The following CLSTN2 variants were observed in gnomAD, a reference collection of about 807,000 sequenced individuals.
CLSTN2 encodes calsyntenin-2.
Under a neutral mutation model 101.2 loss-of-function variants are expected in CLSTN2, and 48 were observed. The ratio of observed to expected loss-of-function variants is 0.47; its 90% CI spans 0.38 to 0.60. The LOEUF (loss-of-function observed/expected upper bound fraction) is 0.60, where lower values mean the gene tolerates loss of function less well. Among genes scored for constraint, CLSTN2 ranks in the 20% least tolerant of loss-of-function variants. CLSTN2 has a pLI of 0.00. For missense variants in CLSTN2, 1,160 were observed against 1,238.2 expected (o/e 0.94, Z 0.95); for synonymous variants, 481 against 463.6 (o/e 1.04, Z -0.48).
chr3:140,180,395 C>T (rs1173198325), intron 2 of CLSTN2, among the ~76,000 whole-genome samples: 1 of 152,226 alleles, frequency 6.6e-6, no homozygotes. Context: ...CCTCAGACTT[C>T]AGTCAAGTCC....
chr3:140,179,295 C>G (rs2010370800), intron 2 of CLSTN2, among the ~76,000 whole-genome samples: 1 of 150,922 alleles, frequency 6.6e-6, no homozygotes, highest in African/African-American at 2.4e-5. Context: ...AGTATATTTC[C>G]TTCTTGTCAT....
At chr3:140,438,419 T>TG (rs58134614) in intron 5 of CLSTN2, among the ~76,000 whole-genome samples, 10,331 of 97,464 alleles carry the variant, frequency 0.11, 602 homozygotes, top group East Asian at 0.18. Flanking sequence ...CCTAGGAAAA[T>TG]GGTCCTTTCA....
At chr3:140,509,081 A>G (rs909520293) in intron 8 of CLSTN2, among the ~76,000 whole-genome samples, 8 of 152,186 alleles carry the variant, frequency 5.3e-5, no homozygotes, top group South Asian at 2.1e-4. Context: ...GGCTGGCTAC[A>G]GTCTGTTTTG....
intron 1 of CLSTN2, among the ~76,000 whole-genome samples, chr3:140,145,274 A>G (rs2009764071): frequency 1.3e-5 from 2 of 152,208 alleles, no homozygotes; most frequent in South Asian, 4.1e-4. Flanking sequence ...TCTCTGGCCC[A>G]TAGGAGTGAA....
chr3:140,492,250 T>C (rs1240623551), intron 8 of CLSTN2, among the ~76,000 whole-genome samples: 1 of 152,226 alleles, frequency 6.6e-6, no homozygotes, highest in African/African-American at 2.4e-5. Flanking sequence ...TGGTACAGCC[T>C]CTTTAGAAAA....
chr3:140,017,729 GTGGAAGGAGACC>G (rs2007230440), intron 1 of CLSTN2, among the ~76,000 whole-genome samples: 1 of 152,234 alleles, frequency 6.6e-6, no homozygotes, highest in African/African-American at 2.4e-5. Context: ...AGGCAACAAA[GTGGAAGGAGACC>G]TGGAGTAAGA....
At chr3:140,515,086 TC>T (rs1934891157) in intron 8 of CLSTN2, among the ~76,000 whole-genome samples, 1 of 152,190 alleles carries the variant, frequency 6.6e-6, no homozygotes, top group South Asian at 2.1e-4. Context: ...TTCTGTTTCT[TC>T]CTGGTTTAAT....
intron 1 of CLSTN2, among the ~76,000 whole-genome samples, chr3:139,957,103 T>C (rs1009432650): frequency 2.6e-5 from 4 of 152,174 alleles, no homozygotes; most frequent in Non-Finnish European, 5.9e-5. Flanking sequence ...AACACAGACA[T>C]TGAATGAGGC....
chr3:140,468,373 A>T (rs1197927173), intron 8 of CLSTN2, among the ~76,000 whole-genome samples: 2 of 152,252 alleles, frequency 1.3e-5, no homozygotes, highest in African/African-American at 4.8e-5. Context: ...GCATTGATGC[A>T]GGCAAATGAA....
At chr3:140,300,273 T>A (rs2087045526) in intron 2 of CLSTN2, among the ~76,000 whole-genome samples, 1 of 152,212 alleles carries the variant, frequency 6.6e-6, no homozygotes, top group African/African-American at 2.4e-5. Flanking sequence ...TAACTGTGAT[T>A]GGGAATTTTA....
In CLSTN2 at chr3:140,490,117, TACACACAC is replaced by T. The variant is rs71637079; in HGVS notation, c.1344+23424_1344+23431del. ...ATATATATATATATATATATATATA[TACACACAC>T]ACACACACACACACACACACACACA... On this transcript the variant is annotated intron_variant, in intron 8 of 16. Coordinates refer to ENST00000458420, the MANE Select transcript of CLSTN2 (RefSeq NM_022131.3). Among the ~76,000 whole-genome samples, 9 of 1,956 alleles carry T rather than the reference TACACACAC, an allele frequency of 4.6e-3. 2 individuals carry two copies. Among genetic ancestry groups the T allele is most frequent in the South Asian group, 0.036 (1 of 28 alleles). 1.3% of individuals were successfully genotyped at this position (1,956 alleles called of 152,430 possible). A position where few individuals can be genotyped will look rare whatever the true frequency, so the allele number is the denominator to read the frequency against.
intron 2 of CLSTN2, among the ~76,000 whole-genome samples, chr3:140,253,216 G>T (rs1247568717): frequency 2.0e-5 from 3 of 152,146 alleles, no homozygotes; most frequent in African/African-American, 7.2e-5. Flanking sequence ...GACTGAGTCA[G>T]CTAGTTGTGG....
At chr3:140,219,095 A>G (rs1282195927) in intron 2 of CLSTN2, among the ~76,000 whole-genome samples, 1 of 152,010 alleles carries the variant, frequency 6.6e-6, no homozygotes, top group Non-Finnish European at 1.5e-5. Context: ...GCATTCCTGC[A>G]GTTCATGTAT....
In CLSTN2 at chr3:140,558,682, T is replaced by C; in HGVS notation, c.1866T>C (p.Asp622=). The C allele has an allele frequency of 6.2e-7, 1 of 1,614,048 alleles. No individual in the cohort carries two copies. The highest frequency in any genetic ancestry group is 8.5e-7 in the Non-Finnish European group (1 of 1,180,000). ...TATGCATCAGTATCCCTGAGGTAGA[T>C]GCCTATGTGATGGTCCTCCAGGCCA... The part of the protein sequence containing the change: ...EDVCISIPEV[D]AYVMVLQAIE... The change falls in exon 12 of 17, where the codon GAT becomes GAC. Residue 622 remains aspartate, a synonymous_variant. Transcript: ENST00000458420.
chr3:139,999,201 C>T (rs2006763012), intron 1 of CLSTN2, among the ~76,000 whole-genome samples: 2 of 152,120 alleles, frequency 1.3e-5, no homozygotes, highest in Admixed American at 1.3e-4. Context: ...ATTTTAGATA[C>T]AGGGGGTACA....
intron 8 of CLSTN2, among the ~76,000 whole-genome samples, chr3:140,520,568 G>A (rs1187259748): frequency 6.6e-6 from 1 of 152,192 alleles, no homozygotes; most frequent in Non-Finnish European, 1.5e-5. Context: ...TCCCACCCTT[G>A]ACATGTGGGG....
intron 1 of CLSTN2, among the ~76,000 whole-genome samples, chr3:140,171,087 T>A (rs1397770052): frequency 6.6e-6 from 1 of 152,152 alleles, no homozygotes. Context: ...AAAAAAAGAT[T>A]TAATTGTTTC....
In CLSTN2 at chr3:140,422,610, A is replaced by G. The variant is rs557531525; in HGVS notation, c.787+1336A>G. ...ATGAAATGCTCAGTAAAGGAACCACAGGTAAGGCACATGAGAGGTAAAGAA... is the reference window on the plus strand; with the variant it reads ...ATGAAATGCTCAGTAAAGGAACCACGGGTAAGGCACATGAGAGGTAAAGAA... On this transcript the variant is annotated intron_variant, in intron 5 of 16. Coordinates refer to ENST00000458420, the MANE Select transcript of CLSTN2 (RefSeq NM_022131.3). Among the ~76,000 whole-genome samples the G allele has an allele frequency of 3.3e-5, 5 of 152,332 alleles. No individual in the cohort carries two copies. The East Asian group carries it at 9.7e-4, about 29-fold the overall frequency.
At chr3:140,070,999 G>A (rs1205151212) in intron 1 of CLSTN2, among the ~76,000 whole-genome samples, 3 of 152,014 alleles carry the variant, frequency 2.0e-5, no homozygotes, top group Non-Finnish European at 2.9e-5. Flanking sequence ...CTGTGAAAAC[G>A]TAAAAAAAGA....
Sources: gnomAD v4.1 joint callset for allele counts (sites outside exome capture counted in the v4.1 genomes callset) on GRCh38, gnomAD v4.1.1 for gene constraint, MANE v1.5 for transcripts, NCBI Gene and HGNC (gene_info 2026-07-23, HGNC 2026-07-21) for gene names.